The following C12orf56 variants were observed in gnomAD, a reference collection of about 807,000 sequenced individuals.
C12orf56 encodes uncharacterized protein C12orf56.
In C12orf56, 71 loss-of-function variants were observed where a neutral mutation model predicts 69.9. The ratio of observed to expected loss-of-function variants is 1.02; its 90% CI spans 0.84 to 1.24. The LOEUF is 1.24. Among genes scored for constraint, C12orf56 ranks in the 50% most tolerant of loss-of-function variants. The pLI, the probability that C12orf56 is intolerant of heterozygous loss-of-function variation, is 0.00. For missense variants in C12orf56, 732 were observed against 738.5 expected, an observed-to-expected ratio of 0.99 and a Z score of 0.10; for synonymous variants, 276 against 274.1, an observed-to-expected ratio of 1.01 and a Z score of -0.07.
chr12:64,265,617 T>C lies in C12orf56; in HGVS notation c.*1566A>G, dbSNP rs1354148881. The C allele has an allele frequency of 6.6e-6, 1 of 152,212 alleles. No individual in the cohort carries two copies. The highest frequency in any genetic ancestry group is 1.9e-4 in the East Asian group (1 of 5,190). 9.4% of individuals were successfully genotyped at this position (152,212 alleles called of 1,614,324 possible). A position where few individuals can be genotyped will look rare whatever the true frequency, so the allele number is the denominator to read the frequency against. On this transcript the variant is annotated 3_prime_UTR_variant, in exon 13 of 13. Coordinates refer to ENST00000543942, the MANE Select transcript of C12orf56 (RefSeq NM_001170633.2). ...GGGGCCTGACTTGCTTGAAGTCAAA[T>C]AGCTGGTCATTTGGCTCTGTCAGAA...
chr12:64,296,870 CTTTTTT>C (rs71092950), intron 6 of C12orf56, among the ~76,000 whole-genome samples: 1 of 131,114 alleles, frequency 7.6e-6, no homozygotes. Flanking sequence ...CCCTTCCACC[CTTTTTT>C]TTTTTTTTGC....
At chr12:64,293,087 A>G (rs1409033798) in intron 6 of C12orf56, among the ~76,000 whole-genome samples, 2 of 152,152 alleles carry the variant, frequency 1.3e-5, no homozygotes, top group Non-Finnish European at 2.9e-5. Flanking sequence ...TGAAAAGCGC[A>G]GTATTCGGGT....
At chr12:64,380,119 A>AAAC (rs1565783059) in intron 1 of C12orf56, among the ~76,000 whole-genome samples, 1 of 87,602 alleles carries the variant, frequency 1.1e-5, no homozygotes, top group African/African-American at 3.4e-5. Flanking sequence ...AAAAAAAAAA[A>AAAC]AAAAAAAAAA....
chr12:64,357,304 G>A lies in C12orf56; in HGVS notation c.253-4248C>T, dbSNP rs2039331247. Among the ~76,000 whole-genome samples the A allele has an allele frequency of 2.6e-5, 4 of 152,076 alleles. 1 individual carries two copies. In the South Asian group the frequency reaches 8.3e-4, roughly 32 times the overall value. ...AAATATTTCAGAAATTGTTTTATGGGAGATTTGTCAATGCTTTTATTGCCT... is the reference window on the plus strand; with the variant it reads ...AAATATTTCAGAAATTGTTTTATGGAAGATTTGTCAATGCTTTTATTGCCT... On this transcript the variant is annotated intron_variant, in intron 1 of 12. Coordinates refer to ENST00000543942, the MANE Select transcript of C12orf56 (RefSeq NM_001170633.2).
intron 1 of C12orf56, among the ~76,000 whole-genome samples, chr12:64,369,003 CAA>C (rs1234520783): frequency 2.0e-5 from 3 of 151,972 alleles, no homozygotes; most frequent in Non-Finnish European, 4.4e-5. Flanking sequence ...AACTTGAATG[CAA>C]ATCAAGAAAT....
At chr12:64,327,109 T>C (rs2136856245) in intron 3 of C12orf56, among the ~76,000 whole-genome samples, 1 of 152,310 alleles carries the variant, frequency 6.6e-6, no homozygotes, top group East Asian at 1.9e-4. Context: ...CTCCGCTGAG[T>C]GTCCCCACCA....
intron 5 of C12orf56, among the ~76,000 whole-genome samples, chr12:64,310,922 A>G (rs1261757362): frequency 2.0e-5 from 3 of 150,960 alleles, no homozygotes; most frequent in Non-Finnish European, 4.4e-5. Flanking sequence ...CCTGTGTCCA[A>G]GTGTTCTCAT....
chr12:64,389,567 G>T (rs868858748), intron 1 of C12orf56, among the ~76,000 whole-genome samples: 13 of 152,278 alleles, frequency 8.5e-5, no homozygotes, highest in African/African-American at 3.1e-4. Flanking sequence ...GGCGATCTCG[G>T]CTCACGGCAA....
Position 64,390,018 on chromosome 12 carries a change from G to T in C12orf56, c.252+296C>A, listed in dbSNP as rs11175376. 0.42 allele frequency among the ~76,000 whole-genome samples: 64,414 copies of T among 151,918 alleles called. 16,327 individuals carry two copies. The highest frequency in any genetic ancestry group is 0.57 in the Non-Finnish European group (38,793 of 67,918). On this transcript the variant is annotated intron_variant, in intron 1 of 12. Transcript: ENST00000543942. Reference sequence around the variant, plus strand: ...CTAGGTGCTTTGTTAACAAAGGAATGACTTTAAAAGGTATTTTTGATAGGG... The same window carrying T: ...CTAGGTGCTTTGTTAACAAAGGAATTACTTTAAAAGGTATTTTTGATAGGG...
intron 1 of C12orf56, among the ~76,000 whole-genome samples, chr12:64,387,912 AC>A (rs1192751822): frequency 3.3e-5 from 5 of 152,240 alleles, no homozygotes; most frequent in Admixed American, 3.3e-4. Context: ...TAAAATCATT[AC>A]TTTTGTGTCA....
intron 6 of C12orf56, among the ~76,000 whole-genome samples, chr12:64,300,441 A>G (rs1487626282): frequency 6.6e-6 from 1 of 152,148 alleles, no homozygotes; most frequent in Non-Finnish European, 1.5e-5. Flanking sequence ...TTAGGAATAC[A>G]CATCAACATC....
intron 1 of C12orf56, among the ~76,000 whole-genome samples, chr12:64,374,216 T>C (rs899475940): frequency 6.6e-6 from 1 of 152,198 alleles, no homozygotes; most frequent in Non-Finnish European, 1.5e-5. Context: ...ATTATTTCAG[T>C]GTTAGGCTTG....
At chr12:64,370,392 T>C (rs969653461) in intron 1 of C12orf56, among the ~76,000 whole-genome samples, 1 of 151,678 alleles carries the variant, frequency 6.6e-6, no homozygotes, top group African/African-American at 2.4e-5. Flanking sequence ...GACTCATGCC[T>C]ATAATCCCAG....
intron 2 of C12orf56, among the ~76,000 whole-genome samples, chr12:64,350,633 C>G (rs550468682): frequency 1.3e-5 from 2 of 152,242 alleles, no homozygotes; most frequent in East Asian, 3.9e-4. Flanking sequence ...TCTAACAGTT[C>G]CAGGAATCCC....
intron 1 of C12orf56, among the ~76,000 whole-genome samples, chr12:64,380,492 C>G (rs909327780): frequency 2.0e-5 from 3 of 152,144 alleles, no homozygotes; most frequent in Non-Finnish European, 2.9e-5. Context: ...ACAAGAGAGG[C>G]AAGGTCCTAC....
chr12:64,320,180 C>T (rs1439665034), intron 3 of C12orf56, among the ~76,000 whole-genome samples: 7 of 152,222 alleles, frequency 4.6e-5, no homozygotes, highest in Non-Finnish European at 8.8e-5. Context: ...CCGTGACCCA[C>T]GGCTTCTAAT....
chr12:64,372,290 T>A (rs943538742), intron 1 of C12orf56, among the ~76,000 whole-genome samples: 15 of 152,206 alleles, frequency 9.9e-5, no homozygotes, highest in African/African-American at 3.4e-4. Context: ...TATTAAACGA[T>A]GTTTTTTACC....
At chr12:64,285,883 C>T in intron 7 of C12orf56, 71 bp downstream of exon 7, 3 of 881,250 alleles carry the variant, frequency 3.4e-6, no homozygotes, top group South Asian at 4.2e-5. Context: ...ATATTTTGTC[C>T]AGTGTCTTCC....
In C12orf56 at chr12:64,347,324, C is replaced by T. The variant is rs370265136; in HGVS notation, c.415+5570G>A. Reference sequence around the variant, plus strand: ...TTTTTGAGACAGAGTCTTGCTCTGTCTCCCAGGCTGGAGCACAGTGGCATG... The same window carrying T: ...TTTTTGAGACAGAGTCTTGCTCTGTTTCCCAGGCTGGAGCACAGTGGCATG... On this transcript the variant is annotated intron_variant, in intron 2 of 12. Coordinates refer to ENST00000543942, the MANE Select transcript of C12orf56 (RefSeq NM_001170633.2). Among the ~76,000 whole-genome samples, 36 of 138,128 alleles carry T rather than the reference C, an allele frequency of 2.6e-4. 1 individual carries two copies. The South Asian group carries it at 7.5e-3, about 29-fold the overall frequency. 90.6% of individuals were successfully genotyped at this position (138,128 alleles called of 152,430 possible). A position where few individuals can be genotyped will look rare whatever the true frequency, so the allele number is the denominator to read the frequency against.
Sources: allele counts gnomAD v4.1 joint callset (sites outside exome capture counted in the v4.1 genomes callset), GRCh38; gene constraint gnomAD v4.1.1; transcripts MANE v1.5; gene names NCBI Gene and HGNC (gene_info 2026-07-23, HGNC 2026-07-21).